The following MAD1L1 variants were observed in gnomAD, a reference collection of about 807,000 sequenced individuals.
MAD1L1 encodes the protein mitotic spindle assembly checkpoint protein MAD1.
In MAD1L1, 95 loss-of-function variants were observed where a neutral mutation model predicts 96.9. The ratio of observed to expected loss-of-function variants is 0.98; its 90% CI spans 0.83 to 1.16. The LOEUF (loss-of-function observed/expected upper bound fraction) is 1.16, where lower values mean the gene tolerates loss of function less well. MAD1L1 is among the 50% of genes most tolerant of loss of function. The probability of loss-of-function intolerance (pLI) is 0.00; values close to 1 mark genes in which losing one functional copy is unlikely to be tolerated. For missense variants in MAD1L1, 1,007 were observed against 954.4 expected (o/e 1.06, Z -0.73); for synonymous variants, 473 against 396.6 (o/e 1.19, Z -2.29).
intron 13 of MAD1L1, among the ~76,000 whole-genome samples, chr7:2,006,609 T>A: frequency 7.7e-6 from 1 of 130,394 alleles, no homozygotes; most frequent in Admixed American, 7.4e-5. Context: ...GAGGACATCA[T>A]TAAACCCGCA....
chr7:1,866,304 C>T (rs963103540), intron 18 of MAD1L1, among the ~76,000 whole-genome samples: 3 of 152,174 alleles, frequency 2.0e-5, no homozygotes, highest in African/African-American at 7.2e-5. Context: ...GACGCCTAGG[C>T]CCTTGCGCTG....
At chr7:1,915,702 C>T (rs1432497776) in intron 17 of MAD1L1, among the ~76,000 whole-genome samples, 1 of 152,236 alleles carries the variant, frequency 6.6e-6, no homozygotes, top group East Asian at 1.9e-4. Flanking sequence ...GTGAAAGCAA[C>T]TCCACGGGGA....
intron 11 of MAD1L1, among the ~76,000 whole-genome samples, chr7:2,136,041 G>C (rs1246587178): frequency 2.6e-5 from 4 of 151,900 alleles, no homozygotes; most frequent in African/African-American, 9.7e-5. Context: ...CCTTCTCCTA[G>C]AGCCCCTATG....
chr7:1,881,256 A>T (rs1785663861), intron 18 of MAD1L1, among the ~76,000 whole-genome samples: 1 of 152,180 alleles, frequency 6.6e-6, no homozygotes, highest in Non-Finnish European at 1.5e-5. Flanking sequence ...GAATTAACCC[A>T]TTTATGCCTA....
Position 2,070,620 on chromosome 7 carries a change from G to A in MAD1L1, c.1074-1282C>T, listed in dbSNP as rs566712525. Among the ~76,000 whole-genome samples, 6 of 152,362 alleles carry A rather than the reference G, an allele frequency of 3.9e-5. No individual in the cohort carries two copies. In the East Asian group the frequency reaches 9.6e-4, roughly 24 times the overall value. On this transcript the variant is annotated intron_variant, in intron 11 of 18. Transcript: ENST00000265854. ...GCAGAGCGGAACGGCGCTGGAACAC[G>A]GGAGCTGCACACGACTCTATTGAGT...
intron 16 of MAD1L1, among the ~76,000 whole-genome samples, chr7:1,949,206 T>C (rs1250783022): frequency 1.3e-5 from 2 of 152,166 alleles, no homozygotes; most frequent in African/African-American, 2.4e-5. Context: ...GCTTGCTCTC[T>C]GAGCCTCGAT....
rs1468458293 is a variant in MAD1L1, at chr7:2,222,725, C to T, written c.321G>A (p.Leu107=). 6.2e-7 allele frequency: 1 copy of T among 1,607,520 alleles called. No homozygotes were observed. Among genetic ancestry groups the T allele is most frequent in the Admixed American group, 1.7e-5 (1 of 59,762 alleles). Residue 107 remains leucine (L), a synonymous_variant, in exon 5 of 19, where the codon CTG becomes CTA. Transcript: ENST00000265854. ...GCTCCTGAAGCTGCCGGATGCGCGT[C>T]AGGAGCTCCTGGTTGCGGTCGACCT... ...EREVDRNQEL[L]TRIRQLQERE...
intron 13 of MAD1L1, among the ~76,000 whole-genome samples, chr7:2,012,637 C>G (rs1782355018): frequency 6.6e-6 from 1 of 152,170 alleles, no homozygotes; most frequent in South Asian, 2.1e-4. Context: ...GAAGAACACA[C>G]CAGGGGGCAG....
chr7:2,056,891 C>T (rs80183434), intron 12 of MAD1L1, among the ~76,000 whole-genome samples: 1,536 of 152,310 alleles, frequency 0.01, 27 homozygotes, highest in African/African-American at 0.035. Context: ...GCCGGGGAGA[C>T]GTGGCACCTC....
chr7:2,215,862 C>A lies in MAD1L1; in HGVS notation c.924+23G>T, dbSNP rs779291731. ...GCAGGGCAGAGGACACCCACAGGAA[C>A]CGCACACCACACAGGCCCTCACCTC... On this transcript the variant is annotated intron_variant, in intron 9 of 18. Transcript: ENST00000265854. 3.1e-6 allele frequency: 5 copies of A among 1,609,734 alleles called. No homozygotes were observed. In the South Asian group the frequency reaches 5.5e-5, roughly 18 times the overall value.
At chr7:2,173,676 T>G (rs893306471) in intron 10 of MAD1L1, among the ~76,000 whole-genome samples, 4 of 152,214 alleles carry the variant, frequency 2.6e-5, no homozygotes. Context: ...AGGCATCATC[T>G]TCAGCTGCTT....
At position 2,114,176 on chromosome 7, in the gene MAD1L1, G is replaced by A. The variant is rs1787536254; in HGVS notation, c.1073+34976C>T. 6.6e-6 allele frequency among the ~76,000 whole-genome samples: 1 copy of A among 152,240 alleles called. No homozygotes were observed. The highest frequency in any genetic ancestry group is 1.5e-5 in the Non-Finnish European group (1 of 68,042). On this transcript the variant is annotated intron_variant, in intron 11 of 18. Transcript: ENST00000265854. This position sits in a 1 kb window ranked among gnomAD's most constrained non-coding sequence, Gnocchi z 4.2. ...CACGACTTCTGCAACTTTCCTGTCA[G>A]TGTAACATTATGTCAAAATGAAAAG... is the stretch of plus-strand genomic sequence containing the variant.
intron 3 of MAD1L1, among the ~76,000 whole-genome samples, chr7:2,227,589 C>T (rs892732126): frequency 2.6e-5 from 4 of 152,210 alleles, no homozygotes; most frequent in Non-Finnish European, 5.9e-5. Context: ...CGTGCCAAGG[C>T]CAGGAAAGCC....
chr7:1,872,091 T>C (rs1480412603), intron 18 of MAD1L1, among the ~76,000 whole-genome samples: 1 of 152,142 alleles, frequency 6.6e-6, no homozygotes, highest in African/African-American at 2.4e-5. Context: ...GCCCCAGGCC[T>C]TGGGGAGCCT....
At chr7:1,969,202 G>A (rs956778025) in intron 15 of MAD1L1, among the ~76,000 whole-genome samples, 2 of 152,106 alleles carry the variant, frequency 1.3e-5, no homozygotes, top group Non-Finnish European at 2.9e-5. Context: ...TGGCCAACGT[G>A]ATGAAACCCC....
chr7:2,029,771 A>G lies in MAD1L1; in HGVS notation c.1219-15129T>C, dbSNP rs540730764. 3.3e-5 allele frequency among the ~76,000 whole-genome samples: 5 copies of G among 152,238 alleles called. 1 individual carries two copies. The South Asian group carries it at 6.2e-4, about 19-fold the overall frequency. ...TGGTGGCAGGCGCAGGGCACTCTGC[A>G]TGACACACCCAGGGCAGCAGAAGAG... On this transcript the variant is annotated intron_variant, in intron 12 of 18. Transcript: ENST00000265854.
intron 13 of MAD1L1, among the ~76,000 whole-genome samples, chr7:2,007,925 G>A (rs1782106954): frequency 6.6e-6 from 1 of 152,234 alleles, no homozygotes; most frequent in Non-Finnish European, 1.5e-5. Context: ...CAACGTTGAT[G>A]GGTCTCAAAA....
chr7:1,917,678 C>T (rs950471949), intron 17 of MAD1L1, among the ~76,000 whole-genome samples: 2 of 152,216 alleles, frequency 1.3e-5, no homozygotes, highest in African/African-American at 4.8e-5. Flanking sequence ...GAGCTGCTTG[C>T]CACGGCTGGG....
chr7:1,844,324 G>C (rs1783464470), intron 18 of MAD1L1: 1 of 152,994 alleles, frequency 6.5e-6, no homozygotes, highest in Admixed American at 6.5e-5. Context: ...CCAGTGGACA[G>C]GGAGCCCCAG....
Sources: gnomAD v4.1 joint callset for allele counts (sites outside exome capture counted in the v4.1 genomes callset) on GRCh38, gnomAD v4.1.1 for gene constraint, Gnocchi (gnomAD v3.1) non-coding constraint, MANE v1.5 for transcripts, NCBI Gene and HGNC (gene_info 2026-07-23, HGNC 2026-07-21) for gene names.